Variants in PLD1 observed in about 807,000 individuals in gnomAD.
The protein encoded by PLD1 is choline phosphatase 1.
A neutral mutation model predicts 137.1 loss-of-function variants in PLD1; 112 were observed. That is an observed-to-expected ratio of 0.82 (90% CI 0.70 to 0.96). The LOEUF is 0.96. Ranked by LOEUF, PLD1 falls within the 40% of genes least tolerant of loss-of-function variation. The pLI, the probability that PLD1 is intolerant of heterozygous loss-of-function variation, is 0.00. For synonymous variants in PLD1, 431 were observed against 454.7 expected (o/e 0.95, Z 0.66); for missense variants, 1,321 against 1,342.0 (o/e 0.98, Z 0.24).
rs543748850 is a variant in PLD1 at position 171,754,839 on chromosome 3, C to T, written c.-31-16757G>A. 1.8e-4 allele frequency among the ~76,000 whole-genome samples: 27 copies of T among 152,274 alleles called. No homozygotes were observed. The South Asian group carries it at 2.7e-3, about 15-fold the overall frequency. ...ATGACCAGAGATTTGCCCTGTGACT[C>T]GCTCCTTATTAAAACCAGGAAATCT... On this transcript the variant is annotated intron_variant, in intron 1 of 26. Transcript: ENST00000351298.
At chr3:171,636,966 T>C (rs934523223) in intron 23 of PLD1, among the ~76,000 whole-genome samples, 1 of 152,200 alleles carries the variant, frequency 6.6e-6, no homozygotes, top group African/African-American at 2.4e-5. Context: ...TTTTTTGTTT[T>C]GTTTTAATTA....
At chr3:171,795,740 GA>G (rs1316814180) in intron 1 of PLD1, among the ~76,000 whole-genome samples, 1 of 152,162 alleles carries the variant, frequency 6.6e-6, no homozygotes, top group Non-Finnish European at 1.5e-5. Context: ...CCTCTGCTTA[GA>G]ATTCTTCCCA....
At chr3:171,656,198 T>C (rs968078130) in intron 21 of PLD1, among the ~76,000 whole-genome samples, 6 of 150,842 alleles carry the variant, frequency 4.0e-5, no homozygotes, top group African/African-American at 1.2e-4. Context: ...TGAGACAGAG[T>C]CTTGGTCTGT....
chr3:171,604,023 T>G (rs1459187153), intron 26 of PLD1, among the ~76,000 whole-genome samples: 1 of 152,072 alleles, frequency 6.6e-6, no homozygotes, highest in East Asian at 1.9e-4. Context: ...TGGCCTTCGG[T>G]CCATGAAATA....
chr3:171,672,853 T>G (rs1712929060), intron 19 of PLD1, among the ~76,000 whole-genome samples: 1 of 152,212 alleles, frequency 6.6e-6, no homozygotes, highest in Non-Finnish European at 1.5e-5. Context: ...TTATAGAGTC[T>G]CTATTGACCT....
chr3:171,799,125 G>T (rs1216823133), intron 1 of PLD1, among the ~76,000 whole-genome samples: 2 of 152,118 alleles, frequency 1.3e-5, no homozygotes, highest in South Asian at 2.1e-4. Context: ...TGGATCACAA[G>T]GTCAGGAGTT....
At chr3:171,728,603 A>G (rs997866812) in intron 6 of PLD1, among the ~76,000 whole-genome samples, 4 of 152,360 alleles carry the variant, frequency 2.6e-5, no homozygotes, top group South Asian at 2.1e-4. Flanking sequence ...TAACTTATGC[A>G]AAGTCCCAGA....
intron 1 of PLD1, among the ~76,000 whole-genome samples, chr3:171,764,870 AG>A (rs1721738711): frequency 7.6e-5 from 2 of 26,304 alleles, no homozygotes; most frequent in African/African-American, 3.3e-4. Context: ...AAAGAAAGAA[AG>A]AAAGAAAGAA....
chr3:171,742,639 T>C (rs1307328135), intron 1 of PLD1, among the ~76,000 whole-genome samples: 1 of 152,194 alleles, frequency 6.6e-6, no homozygotes, highest in East Asian at 1.9e-4. Flanking sequence ...GATATCTTGT[T>C]TTCCCATTTT....
rs1312215483 is a variant in PLD1, at chr3:171,764,870, A to AG, written c.-31-26789dup. On this transcript the variant is annotated intron_variant, in intron 1 of 26. Coordinates refer to ENST00000351298, the MANE Select transcript of PLD1 (RefSeq NM_002662.5). ...AAGAAAGAAAGAAAGAAAGAAAGAAAGAAAGAAAGAAAGAAAGAAAGAAAG... is the reference window on the plus strand; with the variant it reads ...AAGAAAGAAAGAAAGAAAGAAAGAAAGGAAAGAAAGAAAGAAAGAAAGAAAG... Among the ~76,000 whole-genome samples the AG allele has an allele frequency of 6.3e-3, 167 of 26,306 alleles. 19 individuals are homozygous for AG. The highest frequency in any genetic ancestry group is 0.011 in the Non-Finnish European group (139 of 12,314). 17.3% of individuals were successfully genotyped at this position (26,306 alleles called of 152,430 possible). A position where few individuals can be genotyped will look rare whatever the true frequency, so the allele number is the denominator to read the frequency against.
At chr3:171,704,469 A>AAC (rs1553826993) in intron 11 of PLD1, among the ~76,000 whole-genome samples, 1 of 150,502 alleles carries the variant, frequency 6.6e-6, no homozygotes, top group African/African-American at 2.5e-5. Context: ...AAAAAAAAAA[A>AAC]AAAAAAAACC....
rs144324064 is a variant in PLD1 at position 171,746,070 on chromosome 3, G to A, written c.-31-7988C>T. Among the ~76,000 whole-genome samples, 1,116 of 152,262 alleles carry A rather than the reference G, an allele frequency of 7.3e-3. 42 individuals carry two copies. Among genetic ancestry groups the A allele is most frequent in the Admixed American group, 0.057 (872 of 15,308 alleles). ...GTACGCCGGGTCCCCCAGCACTGCCGGCCCGCCCCACTGCGCTTGAATTCT... is the reference window on the plus strand; with the variant it reads ...GTACGCCGGGTCCCCCAGCACTGCCAGCCCGCCCCACTGCGCTTGAATTCT... On this transcript the variant is annotated intron_variant, in intron 1 of 26. Coordinates refer to ENST00000351298, the MANE Select transcript of PLD1 (RefSeq NM_002662.5).
intron 1 of PLD1, among the ~76,000 whole-genome samples, chr3:171,777,842 C>G (rs1359129531): frequency 6.6e-6 from 1 of 152,214 alleles, no homozygotes; most frequent in Non-Finnish European, 1.5e-5. Context: ...TCATCAGCAG[C>G]CGCAAATCCA....
At chr3:171,647,905 C>T (rs1277281316) in intron 21 of PLD1, among the ~76,000 whole-genome samples, 1 of 152,102 alleles carries the variant, frequency 6.6e-6, no homozygotes, top group Non-Finnish European at 1.5e-5. Context: ...CCCTTGGAAA[C>T]CTCTAATCTG....
intron 25 of PLD1, among the ~76,000 whole-genome samples, chr3:171,607,183 C>T (rs1012237498): frequency 2.6e-5 from 4 of 152,132 alleles, no homozygotes; most frequent in Non-Finnish European, 5.9e-5. Flanking sequence ...TCAGACTACA[C>T]GAGAATAACT....
chr3:171,645,975 C>T lies in PLD1; in HGVS notation c.2430-952G>A, dbSNP rs568107488. ...ACAACACAATATTTCATGTCCCATT[C>T]TCTCAAGTGATTAATGACAACCTTT... On this transcript the variant is annotated intron_variant, in intron 21 of 26. Transcript: ENST00000351298. Among the ~76,000 whole-genome samples the T allele has an allele frequency of 4.0e-5, 6 of 151,188 alleles. No homozygotes were observed. The East Asian group carries it at 9.8e-4, about 25-fold the overall frequency.
Position 171,738,019 on chromosome 3 carries a change from G to A in PLD1, c.33C>T (p.Thr11=). 1 of 1,613,652 alleles carries A rather than the reference G, an allele frequency of 6.2e-7. No individual in the cohort carries two copies. The highest frequency in any genetic ancestry group is 8.5e-7 in the Non-Finnish European group (1 of 1,179,756). The change falls in exon 2 of 27, where the codon ACC becomes ACT. Residue 11 remains threonine, a synonymous_variant. Transcript: ENST00000351298. The part of the protein sequence containing the change: MSLKNEPRVN[T]SALQKIAADM... ...CAGCAGCAATTTTCTGCAGTGCAGA[G>A]GTATTTACCCGTGGCTCGTTTTTCA...
chr3:171,624,692 G>A (rs1733933610), intron 23 of PLD1, among the ~76,000 whole-genome samples: 1 of 152,192 alleles, frequency 6.6e-6, no homozygotes, highest in African/African-American at 2.4e-5. Flanking sequence ...ACATATGGAA[G>A]ACTATGCAGT....
chr3:171,810,071 T>G, intron 1 of PLD1: 1 of 152,330 alleles, frequency 6.6e-6, no homozygotes, highest in East Asian at 1.9e-4. Context: ...CGAAGCCCTG[T>G]GGCGGCGAGG....
Sources: allele counts gnomAD v4.1 joint callset (sites outside exome capture counted in the v4.1 genomes callset), GRCh38; gene constraint gnomAD v4.1.1; transcripts MANE v1.5; gene names NCBI Gene and HGNC (gene_info 2026-07-23, HGNC 2026-07-21).